Variants in KCTD16 observed in about 807,000 individuals in gnomAD.
The protein encoded by KCTD16 is potassium channel tetramerization domain containing 16.
Under a neutral mutation model 33.2 loss-of-function variants are expected in KCTD16, and 13 were observed. That is an observed-to-expected ratio of 0.39 (90% CI 0.25 to 0.62). The LOEUF (loss-of-function observed/expected upper bound fraction) is 0.62, where lower values mean the gene tolerates loss of function less well. KCTD16 is among the 20% of genes least tolerant of loss of function. The probability of loss-of-function intolerance (pLI) is 0.50; values close to 1 mark genes in which losing one functional copy is unlikely to be tolerated. For synonymous variants in KCTD16, 197 were observed against 195.3 expected, an observed-to-expected ratio of 1.01 and a Z score of -0.07; for missense variants, 441 against 525.1, an observed-to-expected ratio of 0.84 and a Z score of 1.57.
chr5:144,348,678 A>G (rs1752871848), intron 3 of KCTD16, among the ~76,000 whole-genome samples: 1 of 152,214 alleles, frequency 6.6e-6, no homozygotes, highest in Non-Finnish European at 1.5e-5. Context: ...ATAATTAAGA[A>G]CATGCTTTGT....
chr5:144,307,122 T>A (rs148073694), intron 3 of KCTD16, among the ~76,000 whole-genome samples: 1 of 152,336 alleles, frequency 6.6e-6, no homozygotes, highest in Non-Finnish European at 1.5e-5. Flanking sequence ...TTGCTGCTGT[T>A]CAATCATTCC....
chr5:144,441,679 T>C (rs942029783), intron 3 of KCTD16, among the ~76,000 whole-genome samples: 8 of 152,110 alleles, frequency 5.3e-5, no homozygotes, highest in African/African-American at 1.9e-4. Context: ...TATTTATTTA[T>C]ATGTCTATCC....
At chr5:144,469,813 T>C (rs751927109) in intron 3 of KCTD16, among the ~76,000 whole-genome samples, 2 of 151,812 alleles carry the variant, frequency 1.3e-5, no homozygotes, top group Admixed American at 6.6e-5. Context: ...TCATCAAACA[T>C]TTATCAAGCC....
intron 3 of KCTD16, among the ~76,000 whole-genome samples, chr5:144,226,604 A>G (rs1261686492): frequency 2.0e-5 from 3 of 150,264 alleles, no homozygotes; most frequent in Non-Finnish European, 1.5e-5. Context: ...ACAGGGTCTC[A>G]GTCTATTACC....
chr5:144,358,156 A>T (rs1751615624), intron 3 of KCTD16, among the ~76,000 whole-genome samples: 1 of 146,994 alleles, frequency 6.8e-6, no homozygotes, highest in Non-Finnish European at 1.5e-5. Context: ...CTGGCCTCAA[A>T]TTCCTGATGT....
intron 3 of KCTD16, among the ~76,000 whole-genome samples, chr5:144,465,691 T>C (rs349691): frequency 0.44 from 66,773 of 151,478 alleles, 15,027 homozygotes; most frequent in East Asian, 0.67. Flanking sequence ...TTATGACTCA[T>C]AAATGTTTTA....
chr5:144,362,407 C>T (rs1328464005), intron 3 of KCTD16, among the ~76,000 whole-genome samples: 1 of 152,142 alleles, frequency 6.6e-6, no homozygotes, highest in Non-Finnish European at 1.5e-5. Flanking sequence ...GATATAAACT[C>T]TGTTCTGGCA....
chr5:144,441,448 T>C (rs1050972369), intron 3 of KCTD16, among the ~76,000 whole-genome samples: 6 of 152,166 alleles, frequency 3.9e-5, no homozygotes, highest in Non-Finnish European at 8.8e-5. Context: ...ATTATTATAC[T>C]TTAAGTTTTG....
chr5:144,226,824 T>C (rs756936763), intron 3 of KCTD16, among the ~76,000 whole-genome samples: 2 of 152,178 alleles, frequency 1.3e-5, no homozygotes, highest in Non-Finnish European at 2.9e-5. Flanking sequence ...CTGCCCGCCT[T>C]GGCCTCCCAA....
chr5:144,335,410 A>C (rs1234167736), intron 3 of KCTD16, among the ~76,000 whole-genome samples: 6 of 152,184 alleles, frequency 3.9e-5, no homozygotes, highest in Non-Finnish European at 8.8e-5. Context: ...CTGGAGAACT[A>C]TACGTGTGAT....
At chr5:144,314,212 A>G (rs1458752884) in intron 3 of KCTD16, among the ~76,000 whole-genome samples, 2 of 152,196 alleles carry the variant, frequency 1.3e-5, no homozygotes, top group Non-Finnish European at 2.9e-5. Flanking sequence ...TATTATAACC[A>G]TACCCCAAAG....
intron 3 of KCTD16, among the ~76,000 whole-genome samples, chr5:144,370,284 C>T (rs1246112835): frequency 1.3e-5 from 2 of 152,088 alleles, no homozygotes; most frequent in African/African-American, 4.8e-5. Flanking sequence ...GAGAAACTTG[C>T]GATCATTTGG....
chr5:144,354,679 A>T (rs985782345), intron 3 of KCTD16, among the ~76,000 whole-genome samples: 2 of 152,196 alleles, frequency 1.3e-5, no homozygotes, highest in Admixed American at 6.5e-5. Flanking sequence ...AATAAATGAT[A>T]TGTCATTTTT....
chr5:144,316,364 G>A (rs1456042905), intron 3 of KCTD16, among the ~76,000 whole-genome samples: 3 of 152,154 alleles, frequency 2.0e-5, no homozygotes, highest in Admixed American at 1.3e-4. Context: ...TATCCAGCAT[G>A]TGAAGAGGCA....
intron 3 of KCTD16, among the ~76,000 whole-genome samples, chr5:144,233,477 A>G (rs574965438): frequency 1.4e-4 from 21 of 152,252 alleles, no homozygotes; most frequent in African/African-American, 5.1e-4. Context: ...AAAAAGAAAA[A>G]GAGGAAAGAA....
chr5:144,267,915 C>T (rs868214105), intron 3 of KCTD16, among the ~76,000 whole-genome samples: 1 of 152,132 alleles, frequency 6.6e-6, no homozygotes, highest in African/African-American at 2.4e-5. Flanking sequence ...TTTAAAACTA[C>T]ATGAGTGGAG....
intron 2 of KCTD16, among the ~76,000 whole-genome samples, chr5:144,194,771 G>C (rs542863441): frequency 6.6e-6 from 1 of 152,186 alleles, no homozygotes; most frequent in South Asian, 2.1e-4. Flanking sequence ...GGTGGGATTC[G>C]ACCCCAGGAC....
At chr5:144,326,475 C>T (rs547957095) in intron 3 of KCTD16, among the ~76,000 whole-genome samples, 2 of 152,172 alleles carry the variant, frequency 1.3e-5, no homozygotes, top group East Asian at 3.9e-4. Context: ...TTGCCATCTG[C>T]CTTATGAAAC....
chr5:144,427,938 A>G (rs1015166735), intron 3 of KCTD16, among the ~76,000 whole-genome samples: 2 of 152,114 alleles, frequency 1.3e-5, no homozygotes, highest in Admixed American at 6.6e-5. Flanking sequence ...AATTAAGGTA[A>G]TAATAACTAC....
Sources: allele counts gnomAD v4.1 joint callset (sites outside exome capture counted in the v4.1 genomes callset), GRCh38; gene constraint gnomAD v4.1.1; transcripts MANE v1.5; gene names NCBI Gene and HGNC (gene_info 2026-07-23, HGNC 2026-07-21).